Variants in DCC observed in about 807,000 individuals in gnomAD.
DCC encodes DCC netrin 1 receptor.
A neutral mutation model predicts 172.5 loss-of-function variants in DCC; 58 were observed. The ratio of observed to expected loss-of-function variants is 0.34; its 90% CI spans 0.27 to 0.42. The LOEUF (loss-of-function observed/expected upper bound fraction) is 0.42, where lower values mean the gene tolerates loss of function less well. DCC is among the 10% of genes least tolerant of loss of function. DCC has a pLI of 1.00. For synonymous variants in DCC, 709 were observed against 644.5 expected (o/e 1.10, Z -1.52); for missense variants, 1,740 against 1,791.0 (o/e 0.97, Z 0.51).
chr18:52,983,890 C>A (rs577813676), intron 5 of DCC, among the ~76,000 whole-genome samples: 4 of 152,170 alleles, frequency 2.6e-5, no homozygotes, highest in African/African-American at 9.6e-5. Flanking sequence ...AATGACTGGT[C>A]GTTTTTCATT....
chr18:53,188,049 C>G (rs1003685289), intron 9 of DCC, among the ~76,000 whole-genome samples: 1 of 152,180 alleles, frequency 6.6e-6, no homozygotes, highest in Non-Finnish European at 1.5e-5. Flanking sequence ...ACATTGTCCT[C>G]TTATTTAAAC....
intron 12 of DCC, among the ~76,000 whole-genome samples, chr18:53,275,633 T>C (rs998560961): frequency 6.6e-6 from 1 of 152,076 alleles, no homozygotes; most frequent in Non-Finnish European, 1.5e-5. Context: ...CTCTGAGAAA[T>C]TGGTTATAAC....
At chr18:52,405,867 A>C (rs1244134037) in intron 1 of DCC, among the ~76,000 whole-genome samples, 8 of 151,770 alleles carry the variant, frequency 5.3e-5, no homozygotes, top group Non-Finnish European at 7.4e-5. Flanking sequence ...TCGCGAAGTC[A>C]ATCCTAAGCC....
chr18:52,473,947 G>C (rs1989016823), intron 1 of DCC, among the ~76,000 whole-genome samples: 1 of 151,798 alleles, frequency 6.6e-6, no homozygotes, highest in African/African-American at 2.4e-5. Context: ...ACATCCTCAG[G>C]AGCAGCAGTG....
intron 1 of DCC, among the ~76,000 whole-genome samples, chr18:52,413,355 G>GT (rs1986906482): frequency 6.6e-6 from 1 of 150,926 alleles, no homozygotes. Flanking sequence ...CTGTAGCTAT[G>GT]TCTAGATGAT....
intron 1 of DCC, among the ~76,000 whole-genome samples, chr18:52,453,382 A>G (rs1353451034): frequency 6.6e-6 from 1 of 152,166 alleles, no homozygotes; most frequent in Non-Finnish European, 1.5e-5. Flanking sequence ...ATTCCAAATG[A>G]TGTAGCACAT....
intron 2 of DCC, among the ~76,000 whole-genome samples, chr18:52,808,360 G>A (rs1362556179): frequency 6.7e-6 from 1 of 150,004 alleles, no homozygotes; most frequent in Admixed American, 6.6e-5. Context: ...CATACCAGTA[G>A]ACAGCCTGTA....
chr18:53,174,444 A>C (rs1396701893), intron 8 of DCC, among the ~76,000 whole-genome samples: 1 of 150,428 alleles, frequency 6.6e-6, no homozygotes, highest in African/African-American at 2.5e-5. Context: ...CTAATAAAGA[A>C]AAAAAGAGAG....
At chr18:52,595,264 A>G (rs1321731645) in intron 1 of DCC, among the ~76,000 whole-genome samples, 3 of 151,520 alleles carry the variant, frequency 2.0e-5, no homozygotes, top group Non-Finnish European at 4.4e-5. Context: ...TTTTTATTCC[A>G]TCCCCAAAGA....
intron 15 of DCC, among the ~76,000 whole-genome samples, chr18:53,373,068 GT>G (rs2058075114): frequency 6.6e-6 from 1 of 152,026 alleles, no homozygotes; most frequent in Non-Finnish European, 1.5e-5. Context: ...ATTTTCTTTT[GT>G]TTGCTTTCCT....
chr18:52,768,338 G>A (rs1193124898), intron 2 of DCC, among the ~76,000 whole-genome samples: 2 of 152,156 alleles, frequency 1.3e-5, no homozygotes, highest in African/African-American at 4.8e-5. Context: ...TGTCTGCTGT[G>A]CCTCAGAAAT....
intron 1 of DCC, among the ~76,000 whole-genome samples, chr18:52,485,309 C>T (rs1760682927): frequency 6.6e-6 from 1 of 151,976 alleles, no homozygotes; most frequent in Admixed American, 6.6e-5. Context: ...TCTTAAAAAC[C>T]ATAGAATACC....
chr18:52,775,400 A>G (rs1289124068), intron 2 of DCC, among the ~76,000 whole-genome samples: 1 of 152,128 alleles, frequency 6.6e-6, no homozygotes, highest in Non-Finnish European at 1.5e-5. Flanking sequence ...TAGACTCTCT[A>G]CCTTGTCGCA....
At position 53,052,528 on chromosome 18, in the gene DCC, T is replaced by A. The variant is rs377004038; in HGVS notation, c.986-10777T>A. 2.0e-5 allele frequency among the ~76,000 whole-genome samples: 3 copies of A among 152,224 alleles called. No homozygotes were observed. In the East Asian group the frequency reaches 5.8e-4, roughly 30 times the overall value. On this transcript the variant is annotated intron_variant, in intron 5 of 28. Coordinates refer to ENST00000442544, the MANE Select transcript of DCC (RefSeq NM_005215.4). The stretch of plus-strand genomic sequence containing the variant: ...ACATTCTACTTGCTCTAATGTAGTA[T>A]AGGTTACTTCTAGACTTACTTGTCA...
intron 20 of DCC, among the ~76,000 whole-genome samples, chr18:53,412,595 T>C (rs1910047280): frequency 6.6e-6 from 1 of 152,092 alleles, no homozygotes; most frequent in Non-Finnish European, 1.5e-5. Flanking sequence ...GAATGTAACT[T>C]TGTTTGCCTG....
At chr18:52,347,137 G>C (rs530293311) in intron 1 of DCC, among the ~76,000 whole-genome samples, 33 of 152,274 alleles carry the variant, frequency 2.2e-4, no homozygotes, top group Non-Finnish European at 4.1e-4. Flanking sequence ...CAACTGGTTA[G>C]TGAATTGTGT....
intron 1 of DCC, among the ~76,000 whole-genome samples, chr18:52,410,192 G>A (rs1467973866): frequency 6.6e-6 from 1 of 152,142 alleles, no homozygotes; most frequent in Non-Finnish European, 1.5e-5. Flanking sequence ...GGGAGGCTGA[G>A]GCAGGAGGAT....
At chr18:52,856,599 C>T (rs1323641891) in intron 2 of DCC, among the ~76,000 whole-genome samples, 2 of 116,162 alleles carry the variant, frequency 1.7e-5, no homozygotes, top group Admixed American at 1.3e-4. Context: ...GCACTCCAGC[C>T]TGGGCGACAG....
chr18:53,263,950 A>G (rs543834155), intron 12 of DCC, among the ~76,000 whole-genome samples: 10 of 152,282 alleles, frequency 6.6e-5, no homozygotes, highest in African/African-American at 2.4e-4. Context: ...TAAAATTCCT[A>G]TAAGGCATAG....
Sources: gnomAD v4.1 joint callset for allele counts (sites outside exome capture counted in the v4.1 genomes callset) on GRCh38, gnomAD v4.1.1 for gene constraint, MANE v1.5 for transcripts, NCBI Gene and HGNC (gene_info 2026-07-23, HGNC 2026-07-21) for gene names.